Variants in EYS observed in about 807,000 individuals in gnomAD.
EYS encodes protein eyes shut homolog.
A neutral mutation model predicts 282.1 loss-of-function variants in EYS; 250 were observed. The ratio of observed to expected loss-of-function variants is 0.89; its 90% CI spans 0.80 to 0.98. The LOEUF is 0.98. Among genes scored for constraint, EYS ranks in the 50% least tolerant of loss-of-function variants. The pLI, the probability that EYS is intolerant of heterozygous loss-of-function variation, is 0.00. For synonymous variants in EYS, 1,355 were observed against 1,282.9 expected, an observed-to-expected ratio of 1.06 and a Z score of -1.20; for missense variants, 4,016 against 3,709.0, an observed-to-expected ratio of 1.08 and a Z score of -2.15.
intron 26 of EYS, among the ~76,000 whole-genome samples, chr6:64,582,015 T>C (rs1163717815): frequency 6.6e-6 from 1 of 152,158 alleles, no homozygotes; most frequent in East Asian, 1.9e-4. Context: ...CTGAGAATTG[T>C]CAAAATTTAC....
At chr6:64,302,913 CTCAGG>C (rs1769285320) in intron 30 of EYS, among the ~76,000 whole-genome samples, 1 of 152,134 alleles carries the variant, frequency 6.6e-6, no homozygotes, top group Non-Finnish European at 1.5e-5. Context: ...TTCACACCCC[CTCAGG>C]TCCTCTTTGA....
chr6:65,031,118 C>T (rs1444308128), intron 13 of EYS, among the ~76,000 whole-genome samples: 1 of 148,586 alleles, frequency 6.7e-6, no homozygotes, highest in Admixed American at 6.8e-5. Context: ...CACATTTATA[C>T]ATATTATATA....
At chr6:65,695,346 C>T (rs112754766) in intron 1 of EYS, among the ~76,000 whole-genome samples, 2,535 of 152,018 alleles carry the variant, frequency 0.017, 77 homozygotes, top group African/African-American at 0.058. Context: ...TAATATTTCC[C>T]GAAACTCTCA....
At chr6:64,980,578 T>C (rs9360104) in intron 14 of EYS, among the ~76,000 whole-genome samples, 90,700 of 151,182 alleles carry the variant, frequency 0.6, 29,788 homozygotes, top group African/African-American at 0.89. Context: ...AATATAGCTG[T>C]ATTAATACAT....
chr6:65,476,063 T>C (rs1318553496), intron 5 of EYS, among the ~76,000 whole-genome samples: 1 of 151,972 alleles, frequency 6.6e-6, no homozygotes, highest in African/African-American at 2.4e-5. Context: ...TACTCTCTTA[T>C]TAAAAAAAAA....
intron 30 of EYS, among the ~76,000 whole-genome samples, chr6:64,286,627 A>G (rs1768511911): frequency 6.6e-6 from 1 of 152,204 alleles, no homozygotes; most frequent in South Asian, 2.1e-4. Context: ...GAATTGGAAA[A>G]TAGAAACTTA....
intron 35 of EYS, among the ~76,000 whole-genome samples, chr6:63,954,856 G>A (rs1323125381): frequency 1.3e-5 from 2 of 151,884 alleles, no homozygotes; most frequent in African/African-American, 4.8e-5. Flanking sequence ...GTTACAATCC[G>A]CTAGCCCAAC....
chr6:64,300,197 C>T (rs890404973), intron 30 of EYS, among the ~76,000 whole-genome samples: 1 of 152,090 alleles, frequency 6.6e-6, no homozygotes, highest in African/African-American at 2.4e-5. Context: ...AGGCTGGAGC[C>T]ACGTGGCCAA....
intron 31 of EYS, among the ~76,000 whole-genome samples, chr6:64,190,801 C>A (rs528642650): frequency 1.3e-5 from 2 of 152,074 alleles, no homozygotes; most frequent in Non-Finnish European, 2.9e-5. Flanking sequence ...AGAATCTTAC[C>A]TTCATGAAAG....
At chr6:64,915,544 A>C (rs1768133440) in intron 15 of EYS, among the ~76,000 whole-genome samples, 1 of 152,156 alleles carries the variant, frequency 6.6e-6, no homozygotes, top group African/African-American at 2.4e-5. Context: ...TAAAAAGTAT[A>C]TATAGTGCCT....
At chr6:64,671,893 GA>G (rs1016789970) in intron 22 of EYS, among the ~76,000 whole-genome samples, 3 of 151,000 alleles carry the variant, frequency 2.0e-5, no homozygotes, top group South Asian at 2.1e-4. Flanking sequence ...TATGTTGATA[GA>G]AAAAAAACAA....
chr6:63,941,126 T>C (rs1314380655), intron 35 of EYS, among the ~76,000 whole-genome samples: 1 of 152,164 alleles, frequency 6.6e-6, no homozygotes, highest in Non-Finnish European at 1.5e-5. Flanking sequence ...CTATTGTGAA[T>C]AGTGCCGCAA....
chr6:63,917,763 G>A (rs1370830047), intron 35 of EYS, among the ~76,000 whole-genome samples: 1 of 152,210 alleles, frequency 6.6e-6, no homozygotes, highest in Non-Finnish European at 1.5e-5. Context: ...AGGGTAGACA[G>A]AACCCTGGGG....
chr6:63,723,056 G>T (rs1768467360), intron 42 of EYS, among the ~76,000 whole-genome samples: 1 of 152,142 alleles, frequency 6.6e-6, no homozygotes, highest in Admixed American at 6.5e-5. Flanking sequence ...CCCATAAATA[G>T]ATGCTAAATA....
At chr6:65,142,865 A>G (rs1764381358) in intron 12 of EYS, among the ~76,000 whole-genome samples, 1 of 152,036 alleles carries the variant, frequency 6.6e-6, no homozygotes, top group South Asian at 2.1e-4. Context: ...AATGAAGCAT[A>G]TTGATTCTGA....
chr6:64,252,173 G>A (rs13211835), intron 30 of EYS, among the ~76,000 whole-genome samples: 1 of 152,062 alleles, frequency 6.6e-6, no homozygotes, highest in Admixed American at 6.6e-5. Context: ...GGATTCATTT[G>A]TACAACTCTG....
At position 65,347,057 on chromosome 6, in the gene EYS, T is replaced by G. The variant is rs1232223302; in HGVS notation, c.1460-2880A>C. ...GATGTATTCTCAATGATCAGAAGGT[T>G]AGGTCAAATGGTATAGAATTTGTAA... On this transcript the variant is annotated intron_variant, in intron 9 of 42. Coordinates refer to ENST00000503581, the MANE Select transcript of EYS (RefSeq NM_001142800.2). Among the ~76,000 whole-genome samples, 5 of 151,776 alleles carry G rather than the reference T, an allele frequency of 3.3e-5. No individual in the cohort carries two copies. In the Admixed American group the frequency reaches 3.3e-4, roughly 10 times the overall value.
At chr6:65,590,954 C>T (rs1295382228) in intron 2 of EYS, among the ~76,000 whole-genome samples, 2 of 151,138 alleles carry the variant, frequency 1.3e-5, no homozygotes, top group Non-Finnish European at 1.5e-5. Context: ...TCAGATATTT[C>T]TTCATCATAT....
chr6:65,174,193 T>C (rs1339697468), intron 12 of EYS, among the ~76,000 whole-genome samples: 4 of 151,274 alleles, frequency 2.6e-5, no homozygotes, highest in South Asian at 2.1e-4. Context: ...CACTTTCTTA[T>C]GTAGAAAAAA....
Sources: gnomAD v4.1 joint callset for allele counts (sites outside exome capture counted in the v4.1 genomes callset) on GRCh38, gnomAD v4.1.1 for gene constraint, MANE v1.5 for transcripts, NCBI Gene and HGNC (gene_info 2026-07-23, HGNC 2026-07-21) for gene names.